SOX5: variants seen among roughly 807,000 people sequenced by gnomAD.
SOX5 encodes the protein transcription factor SOX-5.
Under a neutral mutation model 92.0 loss-of-function variants are expected in SOX5, and 9 were observed. The ratio of observed to expected loss-of-function variants is 0.10; its 90% CI spans 0.06 to 0.17. SOX5 has a LOEUF of 0.17. Among genes scored for constraint, SOX5 ranks in the 10% least tolerant of loss-of-function variants. SOX5 has a pLI of 1.00. For missense variants in SOX5, 642 were observed against 944.5 expected, an observed-to-expected ratio of 0.68 and a Z score of 4.20; for synonymous variants, 344 against 336.3, an observed-to-expected ratio of 1.02 and a Z score of -0.25.
chr12:23,616,900 A>T (rs2137943916), intron 8 of SOX5, among the ~76,000 whole-genome samples: 1 of 152,250 alleles, frequency 6.6e-6, no homozygotes, highest in South Asian at 2.1e-4. Flanking sequence ...TGGGACGATC[A>T]CTTGAGGGCA....
At chr12:23,851,459 C>T (rs567101044) in intron 2 of SOX5, among the ~76,000 whole-genome samples, 58 of 152,174 alleles carry the variant, frequency 3.8e-4, no homozygotes, top group Non-Finnish European at 5.3e-4. Context: ...ATAGAAAACA[C>T]TAAGAAATTT....
chr12:24,029,130 T>C (rs899212669), intron 4 of SOX5, among the ~76,000 whole-genome samples: 3 of 152,036 alleles, frequency 2.0e-5, no homozygotes, highest in African/African-American at 7.2e-5. Flanking sequence ...ATGATAATAG[T>C]AGTCTTAACA....
chr12:23,709,676 A>C (rs185709552), intron 6 of SOX5, among the ~76,000 whole-genome samples: 270 of 152,288 alleles, frequency 1.8e-3, no homozygotes, highest in Non-Finnish European at 7.2e-4. Flanking sequence ...CAGTATTTTT[A>C]ATGTAATGAC....
At chr12:23,980,184 T>C (rs1312716271) in intron 4 of SOX5, among the ~76,000 whole-genome samples, 2 of 152,126 alleles carry the variant, frequency 1.3e-5, no homozygotes, top group Non-Finnish European at 2.9e-5. Context: ...TTTGTTTGTT[T>C]GTTTTACTGG....
chr12:23,924,732 C>T (rs956205409), intron 1 of SOX5, among the ~76,000 whole-genome samples: 1 of 152,002 alleles, frequency 6.6e-6, no homozygotes, highest in Non-Finnish European at 1.5e-5. Flanking sequence ...GAAGTTGCTT[C>T]GCGTTGGTTT....
At chr12:23,916,212 C>G (rs2097415082) in intron 1 of SOX5, among the ~76,000 whole-genome samples, 1 of 152,084 alleles carries the variant, frequency 6.6e-6, no homozygotes, top group African/African-American at 2.4e-5. Context: ...ATCAGCATTC[C>G]CAAAATGACC....
intron 7 of SOX5, among the ~76,000 whole-genome samples, chr12:23,661,370 A>G (rs1001646167): frequency 6.6e-6 from 1 of 152,164 alleles, no homozygotes; most frequent in African/African-American, 2.4e-5. Context: ...GATCCTGAAC[A>G]TGGGGTGCAA....
At chr12:24,253,982 T>C (rs1940667141) in intron 3 of SOX5, among the ~76,000 whole-genome samples, 1 of 152,152 alleles carries the variant, frequency 6.6e-6, no homozygotes, top group Non-Finnish European at 1.5e-5. Context: ...CCTCACTGTT[T>C]TGGAAAGAAT....
At chr12:23,733,857 T>C (rs947184811) in intron 6 of SOX5, among the ~76,000 whole-genome samples, 1 of 152,166 alleles carries the variant, frequency 6.6e-6, no homozygotes, top group Non-Finnish European at 1.5e-5. Context: ...TGATGTCACA[T>C]GGGGTTGGAT....
At position 24,007,707 on chromosome 12, in the gene SOX5, TTA is replaced by T. The variant is rs1491578845; in HGVS notation, c.-1-111685_-1-111684del. 5.0e-5 allele frequency among the ~76,000 whole-genome samples: 3 copies of T among 60,472 alleles called. 1 individual carries two copies. Among genetic ancestry groups the T allele is most frequent in the African/African-American group, 1.5e-4 (3 of 19,360 alleles). 39.7% of individuals were successfully genotyped at this position (60,472 alleles called of 152,430 possible). On this transcript the variant is annotated intron_variant, in intron 4 of 4. Coordinates refer to the SOX5 transcript ENST00000446891. The stretch of plus-strand genomic sequence containing the variant: ...TATATATAAATGTATATAAATGTAT[TTA>T]TATATATAAATGTATATAAATGTAT...
chr12:24,360,702 G>T (rs942013910), intron 2 of SOX5, among the ~76,000 whole-genome samples: 1 of 152,126 alleles, frequency 6.6e-6, no homozygotes, highest in Admixed American at 6.6e-5. Context: ...TAGCGCAAGA[G>T]GCTTTTAAAG....
chr12:24,017,932 C>T (rs143455990), intron 4 of SOX5, among the ~76,000 whole-genome samples: 208 of 152,278 alleles, frequency 1.4e-3, no homozygotes, highest in Non-Finnish European at 2.5e-3. Flanking sequence ...CATCTTCCCC[C>T]GTTTGAGGTT....
chr12:24,117,590 G>C (rs1948156256), intron 4 of SOX5, among the ~76,000 whole-genome samples: 1 of 152,134 alleles, frequency 6.6e-6, no homozygotes, highest in African/African-American at 2.4e-5. Flanking sequence ...CAAGTGAATG[G>C]ATAAAGAAAA....
intron 4 of SOX5, among the ~76,000 whole-genome samples, chr12:24,065,881 C>T (rs1940656194): frequency 6.6e-6 from 1 of 151,986 alleles, no homozygotes; most frequent in Non-Finnish European, 1.5e-5. Context: ...ATTACAAAAC[C>T]ACCAAAATCC....
chr12:23,814,247 T>C lies in SOX5; in HGVS notation c.481+31736A>G, dbSNP rs1206170103. Among the ~76,000 whole-genome samples the C allele has an allele frequency of 2.0e-5, 3 of 152,168 alleles. No individual in the cohort carries two copies. In the East Asian group the frequency reaches 5.8e-4, roughly 29 times the overall value. ...CTTCACATAACATGTGCTGATCTAA[T>C]TGAAATGGATTCTCTTGCATTGCCC... On this transcript the variant is annotated intron_variant, in intron 3 of 14. Transcript: ENST00000451604.
intron 11 of SOX5, among the ~76,000 whole-genome samples, chr12:23,558,660 T>C (rs1354979183): frequency 1.3e-5 from 2 of 152,214 alleles, no homozygotes; most frequent in African/African-American, 4.8e-5. Flanking sequence ...TGGAGTGCAA[T>C]GGCGTGATCC....
intron 4 of SOX5, among the ~76,000 whole-genome samples, chr12:24,050,387 C>T (rs1318055389): frequency 6.6e-6 from 1 of 152,070 alleles, no homozygotes; most frequent in Non-Finnish European, 1.5e-5. Context: ...TGAGTGTATA[C>T]CTGTTCATGG....
chr12:23,974,374 A>G (rs1948684710), intron 4 of SOX5, among the ~76,000 whole-genome samples: 1 of 151,938 alleles, frequency 6.6e-6, no homozygotes, highest in Admixed American at 6.6e-5. Context: ...ATTTTTTTTC[A>G]TGTTTTTGTT....
chr12:24,527,757 T>C (rs1442616234), intron 1 of SOX5, among the ~76,000 whole-genome samples: 1 of 152,214 alleles, frequency 6.6e-6, no homozygotes, highest in Non-Finnish European at 1.5e-5. Flanking sequence ...CTTGTAGCTA[T>C]TGGGGAAATA....
Sources: allele counts gnomAD v4.1 joint callset (sites outside exome capture counted in the v4.1 genomes callset), GRCh38; gene constraint gnomAD v4.1.1; transcripts MANE v1.5; gene names NCBI Gene and HGNC (gene_info 2026-07-23, HGNC 2026-07-21).